GNB5: variants seen among roughly 807,000 people sequenced by gnomAD.
GNB5 encodes the protein guanine nucleotide-binding protein subunit beta-5.
A neutral mutation model predicts 55.3 loss-of-function variants in GNB5; 37 were observed. The ratio of observed to expected loss-of-function variants is 0.67; its 90% CI spans 0.51 to 0.88. GNB5 has a LOEUF of 0.88. Among genes scored for constraint, GNB5 ranks in the 40% least tolerant of loss-of-function variants. The probability of loss-of-function intolerance (pLI) is 0.00; values close to 1 mark genes in which losing one functional copy is unlikely to be tolerated. For synonymous variants in GNB5, 219 were observed against 198.5 expected (o/e 1.10, Z -0.87); for missense variants, 476 against 515.3 (o/e 0.92, Z 0.74).
intron 2 of GNB5, among the ~76,000 whole-genome samples, chr15:52,183,238 G>A (rs2034797202): frequency 1.3e-5 from 2 of 151,942 alleles, no homozygotes; most frequent in Non-Finnish European, 2.9e-5. Flanking sequence ...GGGAGAACCT[G>A]TGTGCCACAG....
chr15:52,182,002 A>G lies in GNB5; in HGVS notation c.127-2123T>C, dbSNP rs76628211. 5.6e-3 allele frequency among the ~76,000 whole-genome samples: 852 copies of G among 152,306 alleles called. 18 individuals carry two copies. The highest frequency in any genetic ancestry group is 0.026 in the Admixed American group (402 of 15,298). ...TATTACACCTGTTTGAGAGTTTGTA[A>G]AGCAAAAGGTTAAGAGCACAGGCTC... On this transcript the variant is annotated intron_variant, in intron 2 of 12. Transcript: ENST00000261837.
intron 7 of GNB5, chr15:52,139,620 A>C (rs2033804360): frequency 3.6e-6 from 1 of 280,658 alleles, no homozygotes; most frequent in African/African-American, 2.2e-5. Flanking sequence ...AAAATGAAGC[A>C]CGCAGAAATT....
At position 52,125,978 on chromosome 15, in the gene GNB5, C is replaced by T. The variant is rs1307311199; in HGVS notation, c.979G>A (p.Gly327Arg). ...AIYSKESIIF[G>R]ASSVDFSLSG... ...AGGGAGAAGTCCACGCTGGATGCTC[C>T]AAATATGATGCTTTCTTTGGAATAG... The change falls in exon 11 of 13, where the codon GGA becomes AGA. Residue 327 changes from glycine (G) to arginine (R), a missense_variant. Physicochemically the swap from Gly to Arg is moderately radical, Grantham distance 125. Coordinates refer to ENST00000261837, the MANE Select transcript of GNB5 (RefSeq NM_016194.4). 6.4e-7 allele frequency: 1 copy of T among 1,572,928 alleles called. No individual in the cohort carries two copies.
intron 10 of GNB5, among the ~76,000 whole-genome samples, chr15:52,126,737 T>C (rs1317920268): frequency 6.6e-6 from 1 of 152,154 alleles, no homozygotes; most frequent in Non-Finnish European, 1.5e-5. Context: ...GGTTAAGAAA[T>C]AGAATCCTTA....
At chr15:52,163,124 T>C (rs77714403) in intron 3 of GNB5, among the ~76,000 whole-genome samples, 2 of 152,068 alleles carry the variant, frequency 1.3e-5, no homozygotes, top group Non-Finnish European at 2.9e-5. Context: ...CGGTGAGTGA[T>C]TGTGAGACCA....
chr15:52,154,435 G>T (rs2034166058), intron 3 of GNB5, among the ~76,000 whole-genome samples: 1 of 152,176 alleles, frequency 6.6e-6, no homozygotes, highest in South Asian at 2.1e-4. Context: ...AGGGCAGGAT[G>T]GGCAGGAGAG....
chr15:52,171,565 A>G (rs962749526), intron 3 of GNB5, among the ~76,000 whole-genome samples: 18 of 152,244 alleles, frequency 1.2e-4, no homozygotes, highest in African/African-American at 4.3e-4. Context: ...AAATGAAGGC[A>G]GGTTAGCTTT....
intron 3 of GNB5, among the ~76,000 whole-genome samples, chr15:52,178,045 A>G (rs1303287542): frequency 6.6e-6 from 1 of 152,232 alleles, no homozygotes; most frequent in Non-Finnish European, 1.5e-5. Context: ...GCAACTTACA[A>G]ATTCACAGAA....
chr15:52,165,955 T>C (rs988419315), intron 3 of GNB5, among the ~76,000 whole-genome samples: 1 of 152,106 alleles, frequency 6.6e-6, no homozygotes, highest in Non-Finnish European at 1.5e-5. Context: ...CCATCTCACA[T>C]GCAAAGACAC....
intron 6 of GNB5, among the ~76,000 whole-genome samples, chr15:52,143,184 T>C (rs1178970334): frequency 4.0e-5 from 6 of 149,844 alleles, no homozygotes; most frequent in Non-Finnish European, 5.9e-5. Context: ...AAAAACAGAA[T>C]GTGTAGAGAA....
chr15:52,159,279 A>G (rs1470371955), intron 3 of GNB5, among the ~76,000 whole-genome samples: 1 of 152,006 alleles, frequency 6.6e-6, no homozygotes, highest in East Asian at 1.9e-4. Flanking sequence ...TCTCATGACT[A>G]TCTGTGGCTG....
At chr15:52,176,268 A>G (rs1166530910) in intron 3 of GNB5, among the ~76,000 whole-genome samples, 1 of 152,152 alleles carries the variant, frequency 6.6e-6, no homozygotes, top group Non-Finnish European at 1.5e-5. Context: ...AGAAAGCTGC[A>G]TCATTCCTAA....
intron 3 of GNB5, among the ~76,000 whole-genome samples, chr15:52,163,918 T>C (rs899816961): frequency 1.3e-5 from 2 of 152,102 alleles, no homozygotes; most frequent in South Asian, 4.1e-4. Flanking sequence ...TCACTGGTGA[T>C]ACCTCCAGGT....
At chr15:52,128,511 A>G in intron 9 of GNB5, 2 of 617,776 alleles carry the variant, frequency 3.2e-6, no homozygotes, top group Non-Finnish European at 5.9e-6. Flanking sequence ...CCCTATAAAT[A>G]TAGTTTCCCT....
intron 2 of GNB5, among the ~76,000 whole-genome samples, chr15:52,182,355 G>C (rs1463824570): frequency 1.3e-5 from 2 of 152,168 alleles, no homozygotes; most frequent in African/African-American, 4.8e-5. Context: ...TTGGACCGTT[G>C]CAGGATGTGT....
At chr15:52,168,710 C>T (rs1418511764) in intron 3 of GNB5, among the ~76,000 whole-genome samples, 3 of 152,180 alleles carry the variant, frequency 2.0e-5, no homozygotes, top group African/African-American at 4.8e-5. Context: ...GGCTACCCAA[C>T]TTCAAAATAT....
intron 3 of GNB5, among the ~76,000 whole-genome samples, chr15:52,167,020 AAAC>A (rs773797889): frequency 1.2e-4 from 19 of 152,220 alleles, no homozygotes; most frequent in Non-Finnish European, 2.1e-4. Context: ...ACAGAAATAC[AAAC>A]AACCATCAGA....
rs537498191 is a variant in GNB5, at chr15:52,120,259, T to A, written c.*2498A>T. On this transcript the variant is annotated 3_prime_UTR_variant, in exon 13 of 13. Transcript: ENST00000261837. ...AGCTGATTATAAAATGCACTCAGCA[T>A]TATTTTCAATCTGCAAAATACAATC... 6.6e-6 allele frequency: 1 copy of A among 152,382 alleles called. No homozygotes were observed. Among genetic ancestry groups the A allele is most frequent in the African/African-American group, 2.4e-5 (1 of 41,588 alleles). 9.4% of individuals were successfully genotyped at this position (152,382 alleles called of 1,614,324 possible).
chr15:52,143,103 T>G (rs899955075), intron 6 of GNB5, among the ~76,000 whole-genome samples: 12 of 151,198 alleles, frequency 7.9e-5, no homozygotes, highest in African/African-American at 2.9e-4. Context: ...TGCAGTGAGT[T>G]GAGACCACAC....
Sources: gnomAD v4.1 joint callset for allele counts (sites outside exome capture counted in the v4.1 genomes callset) on GRCh38, gnomAD v4.1.1 for gene constraint, MANE v1.5 for transcripts, NCBI Gene and HGNC (gene_info 2026-07-23, HGNC 2026-07-21) for gene names.